Variants in GSTM5 observed in about 807,000 individuals in gnomAD.
The protein encoded by GSTM5 is GST class-mu 5.
Under a neutral mutation model 29.0 loss-of-function variants are expected in GSTM5, and 24 were observed. That is an observed-to-expected ratio of 0.83 (90% CI 0.60 to 1.16). The LOEUF (loss-of-function observed/expected upper bound fraction) is 1.16, where lower values mean the gene tolerates loss of function less well. GSTM5 is among the 50% of genes most tolerant of loss of function. The probability of loss-of-function intolerance (pLI) is 0.00; values close to 1 mark genes in which losing one functional copy is unlikely to be tolerated. For synonymous variants in GSTM5, 91 were observed against 93.6 expected (o/e 0.97, Z 0.16); for missense variants, 290 against 263.0 (o/e 1.10, Z -0.71).
chr1:109,717,138 T>TAAAA, intron 7 of GSTM5, 199 bp from the exon 8 acceptor site: 1 of 341,218 alleles, frequency 2.9e-6, no homozygotes. Context: ...TAGCTGTTAT[T>TAAAA]ATGGTATAAC....
At chr1:109,713,046 G>T in intron 2 of GSTM5, 73 bp from the exon 3 acceptor site, 5 of 1,574,718 alleles carry the variant, frequency 3.2e-6, no homozygotes, top group South Asian at 1.1e-5. Flanking sequence ...CTTGCCACTG[G>T]CTCCTTGGGA....
chr1:109,716,140 A>G (rs1439433894), intron 7 of GSTM5: 1 of 300,300 alleles, frequency 3.3e-6, no homozygotes, highest in East Asian at 1.1e-4. Flanking sequence ...CCCCTCACTC[A>G]CGGGGAACCA....
chr1:109,713,417 A>T, intron 3 of GSTM5, 67 bp from the exon 4 acceptor site: 2 of 1,604,840 alleles, frequency 1.2e-6, no homozygotes, highest in African/African-American at 1.3e-5. Flanking sequence ...CTGCCCTTGC[A>T]TATGGGAAGG....
At chr1:109,713,816 C>G in intron 5 of GSTM5, 55 bp downstream of exon 5, 1 of 1,494,910 alleles carries the variant, frequency 6.7e-7, no homozygotes, top group Non-Finnish European at 9.3e-7. Flanking sequence ...TGGCCCAGAC[C>G]AGGGAGGGAC....
chr1:109,715,071 ATC>A, intron 6 of GSTM5, 29 bp downstream of exon 6: 1 of 1,614,028 alleles, frequency 6.2e-7, no homozygotes, highest in Non-Finnish European at 8.5e-7. Context: ...GGGGAATGAG[ATC>A]TGTTTTACTT....
rs1275199986 is a variant in GSTM5, at chr1:109,712,993, T to C, written c.113-126T>C. On this transcript the variant is annotated intron_variant, in intron 2 of 7. Transcript: ENST00000256593. ...TTCTTTCTCCCTGAACCCTGGGATG[T>C]GGGACTGAGTGGTCAGATTCTAGAT... The C allele has an allele frequency of 1.7e-5, 18 of 1,078,706 alleles. No individual in the cohort carries two copies. In the Admixed American group the frequency reaches 3.3e-4, roughly 20 times the overall value. The allele number at this position is 1,078,706 out of a possible 1,614,324, so 66.8% of individuals were successfully genotyped here.
Position 109,713,613 on chromosome 1 carries a change from T to C in GSTM5, c.259+48T>C, listed in dbSNP as rs750811084. ...TGCGGGGGGAAGGTGACCTCCTCCT[T>C]GGCTGGGCTGTGATGCTGAGATTGA... On this transcript the variant is annotated intron_variant, in intron 4 of 7. Coordinates refer to ENST00000256593, the MANE Select transcript of GSTM5 (RefSeq NM_000851.4). 3.1e-6 allele frequency: 5 copies of C among 1,614,054 alleles called. No homozygotes were observed. In the African/African-American group the frequency reaches 6.7e-5, roughly 22 times the overall value.
intron 5 of GSTM5, 90 bp downstream of exon 5, chr1:109,713,851 C>T (rs17014553): frequency 2.0e-6 from 2 of 991,042 alleles, no homozygotes; most frequent in Non-Finnish European, 1.6e-6. Context: ...CTGTAGCAGA[C>T]TCCGGCCAGC....
chr1:109,713,865 C>T (rs1648655105), intron 5 of GSTM5, 104 bp downstream of exon 5: 5 of 693,706 alleles, frequency 7.2e-6, no homozygotes, highest in Non-Finnish European at 1.3e-5. Context: ...GGCCAGCTGA[C>T]TGGAGACGTC....
chr1:109,712,165 C>A (rs1359900176), upstream of GSTM5: 17 of 868,800 alleles, frequency 2.0e-5, no homozygotes, highest in Non-Finnish European at 3.1e-5. Context: ...GGCGCTCGCT[C>A]GGGGGCCTAC....
intron 3 of GSTM5, 95 bp from the exon 4 acceptor site, chr1:109,713,389 C>T (rs920485545): frequency 1.6e-5 from 25 of 1,544,112 alleles, no homozygotes; most frequent in Non-Finnish European, 2.2e-5. Context: ...CTGCCATGAG[C>T]AGGCCCTGGT....
intron 1 of GSTM5, 127 bp downstream of exon 1, chr1:109,712,475 G>C: frequency 1.6e-6 from 2 of 1,273,368 alleles, no homozygotes; most frequent in Non-Finnish European, 1.1e-6. Flanking sequence ...TGTGCATGAC[G>C]CTGTGTGTGT....
chr1:109,713,326 G>A (rs1648630688), intron 3 of GSTM5, 143 bp downstream of exon 3: 1 of 1,376,490 alleles, frequency 7.3e-7, no homozygotes, highest in African/African-American at 1.4e-5. Context: ...GCCCTTGCAT[G>A]ATGTTCTGTG....
In GSTM5 at chr1:109,715,213, C is replaced by T. The variant is rs2229060; in HGVS notation, c.540C>T (p.Asn180=). Reference sequence around the variant, plus strand: ...CCAAGTGCTTGGACGCCTTCCTAAACTTGAAGGACTTCATCTCCCGCTTTG... The same window carrying T: ...CCAAGTGCTTGGACGCCTTCCTAAATTTGAAGGACTTCATCTCCCGCTTTG... ...FEPKCLDAFL[N]LKDFISRFEG... Residue 180 remains asparagine (N), a synonymous_variant, in exon 7 of 8, where the codon AAC becomes AAT. Coordinates refer to ENST00000256593, the MANE Select transcript of GSTM5 (RefSeq NM_000851.4). 143,702 of 1,609,908 alleles carry T rather than the reference C, an allele frequency of 0.089. 9,981 individuals carry two copies. Among genetic ancestry groups the T allele is most frequent in the African/African-American group, 0.37 (27,393 of 74,578 alleles).
In GSTM5 at chr1:109,717,486, G is replaced by A; in HGVS notation, c.*60G>A. 1.7e-6 allele frequency: 2 copies of A among 1,194,224 alleles called. No homozygotes were observed. Among genetic ancestry groups the A allele is most frequent in the Non-Finnish European group, 2.5e-6 (2 of 796,680 alleles). 74.0% of individuals were successfully genotyped at this position (1,194,224 alleles called of 1,614,324 possible). ...CAACCTTGCTGCCTGCGACCCTGGAGGACAGCCTGACTCCCTGGACCTGCC... is the reference window on the plus strand; with the variant it reads ...CAACCTTGCTGCCTGCGACCCTGGAAGACAGCCTGACTCCCTGGACCTGCC... On this transcript the variant is annotated 3_prime_UTR_variant, in exon 8 of 8. Coordinates refer to ENST00000256593, the MANE Select transcript of GSTM5 (RefSeq NM_000851.4).
At chr1:109,715,066 A>T in intron 6 of GSTM5, 24 bp downstream of exon 6, 1 of 1,614,092 alleles carries the variant, frequency 6.2e-7, no homozygotes, top group Non-Finnish European at 8.5e-7. Flanking sequence ...GATATGGGGA[A>T]TGAGATCTGT....
chr1:109,717,378 C>G lies in GSTM5; in HGVS notation c.609C>G (p.Phe203Leu). Residue 203 changes from phenylalanine (F) to leucine (L), a missense_variant, in exon 8 of 8, where the codon TTC becomes TTG. Coordinates refer to ENST00000256593, the MANE Select transcript of GSTM5 (RefSeq NM_000851.4). Reference sequence around the variant, plus strand: ...CTGCCTACATGAAGTCCAGCCAATTCCTCCGAGGTCTTTTGTTTGGAAAGT... The same window carrying G: ...CTGCCTACATGAAGTCCAGCCAATTGCTCCGAGGTCTTTTGTTTGGAAAGT... ...KISAYMKSSQ[F>L]LRGLLFGKSA... 6.2e-7 allele frequency: 1 copy of G among 1,614,046 alleles called. No homozygotes were observed. Among genetic ancestry groups the G allele is most frequent in the Non-Finnish European group, 8.5e-7 (1 of 1,179,922 alleles).
intron 5 of GSTM5, chr1:109,714,420 G>A (rs1648675117): frequency 5.9e-6 from 1 of 168,534 alleles, no homozygotes; most frequent in South Asian, 1.5e-4. Context: ...TTTTCCAAGT[G>A]CTGTCATTGA....
At chr1:109,711,865 G>A (rs1328659205), upstream of GSTM5, among the ~76,000 whole-genome samples, 4 of 141,916 alleles carry the variant, frequency 2.8e-5, no homozygotes, top group African/African-American at 9.8e-5. Context: ...CCCTGCAGCC[G>A]GAGTCTCCCA....
Sources: allele counts gnomAD v4.1 joint callset (sites outside exome capture counted in the v4.1 genomes callset), GRCh38; gene constraint gnomAD v4.1.1; transcripts MANE v1.5; gene names NCBI Gene and HGNC (gene_info 2026-07-23, HGNC 2026-07-21).